TNIP1: variants seen among roughly 807,000 people sequenced by gnomAD.
The protein encoded by TNIP1 is TNFAIP3 interacting protein 1.
In TNIP1, 22 loss-of-function variants were observed where a neutral mutation model predicts 86.6. The ratio of observed to expected loss-of-function variants is 0.25; its 90% CI spans 0.18 to 0.36. The LOEUF is 0.36. TNIP1 is among the 10% of genes least tolerant of loss of function. TNIP1 has a pLI of 1.00. For synonymous variants in TNIP1, 294 were observed against 313.0 expected (o/e 0.94, Z 0.64); for missense variants, 709 against 820.6 (o/e 0.86, Z 1.66).
intron 8 of TNIP1, among the ~76,000 whole-genome samples, chr5:151,047,305 G>A (rs1472833873): frequency 1.3e-5 from 2 of 152,316 alleles, no homozygotes; most frequent in Non-Finnish European, 2.9e-5. Context: ...CACTTGTGAG[G>A]CCTCAATCGT....
Position 151,064,931 on chromosome 5 carries a change from T to A in TNIP1, c.136+29A>T, listed in dbSNP as rs148001161. The A allele has an allele frequency of 6.2e-3, 9,996 of 1,613,492 alleles. 57 individuals are homozygous for A. Among genetic ancestry groups the A allele is most frequent in the Middle Eastern group, 0.024 (146 of 6,056 alleles). Reference sequence around the variant, plus strand: ...CATCACAGTCTGCAGGGAGGGGCGCTCGCAGGGAGGGGACAGGGTCTGCTT... The same window carrying A: ...CATCACAGTCTGCAGGGAGGGGCGCACGCAGGGAGGGGACAGGGTCTGCTT... On this transcript the variant is annotated intron_variant, in intron 2 of 17. Coordinates refer to ENST00000521591, the MANE Select transcript of TNIP1 (RefSeq NM_006058.5).
At position 151,045,921 on chromosome 5, in the gene TNIP1, C is replaced by T; in HGVS notation, c.876G>A (p.Glu292=). 1 of 1,614,172 alleles carries T rather than the reference C, an allele frequency of 6.2e-7. No homozygotes were observed. Among genetic ancestry groups the T allele is most frequent in the Non-Finnish European group, 8.5e-7 (1 of 1,180,034 alleles). The change falls in exon 9 of 18, where the codon GAG becomes GAA. Residue 292 remains glutamate (E), a synonymous_variant. Transcript: ENST00000521591. ...TCTCGGCTGCGCCCAAGGCCACCACCTCTGGGACCTTACCTGCCGTCACAC... is the reference window on the plus strand; with the variant it reads ...TCTCGGCTGCGCCCAAGGCCACCACTTCTGGGACCTTACCTGCCGTCACAC... The part of the protein sequence containing the change: ...QASVTAGKVP[E]VVALGAAEKK...
chr5:151,085,100 G>A (rs1299963399), upstream of TNIP1, among the ~76,000 whole-genome samples: 2 of 152,174 alleles, frequency 1.3e-5, no homozygotes, highest in Non-Finnish European at 2.9e-5. Flanking sequence ...AGCACCTTAA[G>A]GTGAATGAAA....
chr5:151,081,495 GACTCTT>G (rs1167558149), upstream of TNIP1, among the ~76,000 whole-genome samples: 2 of 152,172 alleles, frequency 1.3e-5, no homozygotes, highest in Non-Finnish European at 2.9e-5. Flanking sequence ...GGCACTCCAG[GACTCTT>G]CTTAACAAAG....
At chr5:151,081,568 C>T (rs1310303938), upstream of TNIP1, among the ~76,000 whole-genome samples, 1 of 152,206 alleles carries the variant, frequency 6.6e-6, no homozygotes, top group Non-Finnish European at 1.5e-5. Flanking sequence ...ACATTTTTTG[C>T]TCCAGACATT....
upstream of TNIP1, among the ~76,000 whole-genome samples, chr5:151,085,150 G>A (rs138823886): frequency 2.2e-3 from 342 of 152,302 alleles, no homozygotes; most frequent in African/African-American, 7.3e-3. Flanking sequence ...CCAAGAGACC[G>A]TCACGCAGAG....
Position 151,032,230 on chromosome 5 carries a change from G to T in TNIP1, c.1876+57C>A, listed in dbSNP as rs558855055. 162 of 1,443,592 alleles carry T rather than the reference G, an allele frequency of 1.1e-4. 1 individual carries two copies. In the African/African-American group the frequency reaches 2.2e-3, roughly 19 times the overall value. The allele number at this position is 1,443,592 out of a possible 1,614,324, so 89.4% of individuals were successfully genotyped here. On this transcript the variant is annotated intron_variant, in intron 17 of 17. Coordinates refer to ENST00000521591, the MANE Select transcript of TNIP1 (RefSeq NM_006058.5). The stretch of plus-strand genomic sequence containing the variant: ...ATCACCCCCAAACTCAGGCAATGCT[G>T]GCAGATAAGATATTATCTCCCCCAG...
intron 6 of TNIP1, among the ~76,000 whole-genome samples, chr5:151,053,102 T>TC (rs1491370476): frequency 5.9e-4 from 1 of 1,706 alleles, no homozygotes; most frequent in Admixed American, 0.016. Flanking sequence ...ACTGTTTCTC[T>TC]TTTTTTTTTT....
chr5:151,071,038 G>C (rs933013474), intron 1 of TNIP1, among the ~76,000 whole-genome samples: 5 of 151,862 alleles, frequency 3.3e-5, no homozygotes, highest in East Asian at 3.9e-4. Context: ...GGGTGGGGGG[G>C]GCGCAGTATA....
At chr5:151,036,987 C>T in intron 12 of TNIP1, 66 bp from the exon 13 acceptor site, 3 of 1,515,308 alleles carry the variant, frequency 2.0e-6, no homozygotes, top group Non-Finnish European at 2.6e-6. Flanking sequence ...TTGGAGGGGT[C>T]ATCCTCAGGG....
intron 1 of TNIP1, among the ~76,000 whole-genome samples, chr5:151,069,115 C>A (rs1762562033): frequency 6.6e-6 from 1 of 152,180 alleles, no homozygotes; most frequent in Admixed American, 6.5e-5. Flanking sequence ...GCTGCTGAAA[C>A]CGAAGGAGCC....
chr5:151,065,293 G>A (rs1012128205), intron 1 of TNIP1, among the ~76,000 whole-genome samples, 162 bp from the exon 2 acceptor site: 1 of 152,232 alleles, frequency 6.6e-6, no homozygotes, highest in African/African-American at 2.4e-5. Flanking sequence ...TTATCTGGAC[G>A]CTCTGCCTCT....
At chr5:151,087,272 C>CG (rs1561556546), upstream of TNIP1, 5 of 152,554 alleles carry the variant, frequency 3.3e-5, no homozygotes, top group Admixed American at 1.3e-4. Flanking sequence ...GAGGCCCCAT[C>CG]CTGCCCGCTG....
intron 9 of TNIP1, among the ~76,000 whole-genome samples, chr5:151,044,874 C>CT (rs1482501358): frequency 6.6e-6 from 1 of 152,178 alleles, no homozygotes; most frequent in Non-Finnish European, 1.5e-5. Context: ...CAGAGGGAAA[C>CT]TAAGAGCCTC....
intron 3 of TNIP1, among the ~76,000 whole-genome samples, chr5:151,062,520 TCTTTA>T (rs1761711872): frequency 6.6e-6 from 1 of 152,150 alleles, no homozygotes; most frequent in East Asian, 1.9e-4. Context: ...ATTTGAAAAG[TCTTTA>T]TGTATCTATT....
chr5:151,048,243 G>A lies in TNIP1; in HGVS notation c.846+1581C>T, dbSNP rs75598413. Reference sequence around the variant, plus strand: ...TGGTGCACCCTGAACCTCCGCGAGGGAGAGAGGAGTCCACGTGGAGTCAGC... The same window carrying A: ...TGGTGCACCCTGAACCTCCGCGAGGAAGAGAGGAGTCCACGTGGAGTCAGC... On this transcript the variant is annotated intron_variant, in intron 8 of 17. Coordinates refer to ENST00000521591, the MANE Select transcript of TNIP1 (RefSeq NM_006058.5). 7.8e-3 allele frequency among the ~76,000 whole-genome samples: 1,195 copies of A among 152,232 alleles called. 11 individuals carry two copies. The highest frequency in any genetic ancestry group is 0.027 in the African/African-American group (1,134 of 41,524).
Position 151,063,632 on chromosome 5 carries a change from G to C in TNIP1, c.252C>G (p.Asp84Glu), listed in dbSNP as rs750219859. 6.2e-7 allele frequency: 1 copy of C among 1,613,930 alleles called. No homozygotes were observed. Among genetic ancestry groups the C allele is most frequent in the Non-Finnish European group, 8.5e-7 (1 of 1,179,978 alleles). The stretch of plus-strand genomic sequence containing the variant: ...TTATACCTGTGAGCTCAGCCAGGGG[G>C]TCGAAGGAGCCCAAGGAGGGAGAAG... ...PPPSPSLGSF[D>E]PLAELTGKDS... Residue 84 changes from aspartate to glutamate, a missense_variant, in exon 3 of 18, where the codon GAC (aspartate) becomes GAG (glutamate). Asp to Glu is a conservative substitution (Grantham distance 45). Coordinates refer to ENST00000521591, the MANE Select transcript of TNIP1 (RefSeq NM_006058.5).
At chr5:151,087,628 G>C (rs2233278), upstream of TNIP1, 7,720 of 152,264 alleles carry the variant, frequency 0.051, 265 homozygotes, top group South Asian at 0.14. Context: ...TCCATCCATA[G>C]TGAAGAAGGG....
At chr5:151,076,312 A>T (rs560447128) in intron 1 of TNIP1, among the ~76,000 whole-genome samples, 1 of 152,272 alleles carries the variant, frequency 6.6e-6, no homozygotes, top group Admixed American at 6.5e-5. Flanking sequence ...ACAGACGGCC[A>T]GGGATAGGAG....
Sources: gnomAD v4.1 joint callset for allele counts (sites outside exome capture counted in the v4.1 genomes callset) on GRCh38, gnomAD v4.1.1 for gene constraint, MANE v1.5 for transcripts, NCBI Gene and HGNC (gene_info 2026-07-23, HGNC 2026-07-21) for gene names.